The following LPP variants were observed in gnomAD, a reference collection of about 807,000 sequenced individuals.
The protein encoded by LPP is lipoma-preferred partner.
LPP carries 38 observed loss-of-function variants against 60.4 expected under a neutral mutation model. The observed-to-expected ratio is 0.63, with a 90% CI of 0.49 to 0.83. The LOEUF is 0.83. Ranked by LOEUF, LPP falls within the 40% of genes least tolerant of loss-of-function variation. LPP has a pLI of 0.00. For missense variants in LPP, 902 were observed against 783.6 expected (o/e 1.15, Z -1.80); for synonymous variants, 328 against 290.8 (o/e 1.13, Z -1.30).
chr3:188,630,651 G>A (rs1185248570), intron 7 of LPP, among the ~76,000 whole-genome samples: 1 of 152,104 alleles, frequency 6.6e-6, no homozygotes, highest in Admixed American at 6.6e-5. Flanking sequence ...GTTCTATTAA[G>A]TTGGTGCAAA....
intron 6 of LPP, among the ~76,000 whole-genome samples, chr3:188,570,636 T>C (rs772558120): frequency 6.6e-6 from 1 of 152,034 alleles, no homozygotes; most frequent in African/African-American, 2.4e-5. Flanking sequence ...AAATTGCAAA[T>C]GCACCAGATT....
chr3:188,819,694 C>T (rs572860343), intron 9 of LPP, among the ~76,000 whole-genome samples: 3 of 152,042 alleles, frequency 2.0e-5, no homozygotes, highest in African/African-American at 7.2e-5. Context: ...GAGCTTCAGC[C>T]AGGGATTGGA....
At position 188,220,530 on chromosome 3, in the gene LPP, AC is replaced by A. The variant is rs1339639965; in HGVS notation, c.-189-4874del. ...ACAGGCTCATTACTAATCTCATGTC[AC>A]GAGGTTTCAGGCCTGGCTGAGAACT... On this transcript the variant is annotated intron_variant, in intron 1 of 11. Coordinates refer to ENST00000617246, the MANE Select transcript of LPP (RefSeq NM_001375462.1). Among the ~76,000 whole-genome samples the A allele has an allele frequency of 2.0e-5, 3 of 152,210 alleles. No homozygotes were observed. In the South Asian group the frequency reaches 6.2e-4, roughly 31 times the overall value.
chr3:188,474,994 C>G (rs1802804366), intron 4 of LPP, among the ~76,000 whole-genome samples: 1 of 152,196 alleles, frequency 6.6e-6, no homozygotes, highest in South Asian at 2.1e-4. Context: ...AGACTATTGT[C>G]TTAATTTCAT....
chr3:188,309,577 C>T (rs1182849147), intron 2 of LPP, among the ~76,000 whole-genome samples: 1 of 152,132 alleles, frequency 6.6e-6, no homozygotes, highest in Non-Finnish European at 1.5e-5. Flanking sequence ...ACTTGCCTTT[C>T]TTCTGTGCTT....
intron 8 of LPP, among the ~76,000 whole-genome samples, chr3:188,719,979 C>A (rs535579532): frequency 6.6e-6 from 1 of 152,302 alleles, no homozygotes; most frequent in South Asian, 2.1e-4. Flanking sequence ...GTGGCGTGAT[C>A]TTGGCTCACT....
At chr3:188,740,399 A>T (rs1436049715) in intron 8 of LPP, among the ~76,000 whole-genome samples, 1 of 152,098 alleles carries the variant, frequency 6.6e-6, no homozygotes, top group Admixed American at 6.6e-5. Flanking sequence ...TACCTATCCA[A>T]GCCCAATATC....
intron 4 of LPP, among the ~76,000 whole-genome samples, chr3:188,468,665 G>A (rs1172191646): frequency 6.6e-6 from 1 of 152,142 alleles, no homozygotes; most frequent in Non-Finnish European, 1.5e-5. Flanking sequence ...TCAAGTGCCA[G>A]GAAGGGGACT....
chr3:188,442,783 T>C (rs1474343599), intron 4 of LPP, among the ~76,000 whole-genome samples: 3 of 152,222 alleles, frequency 2.0e-5, no homozygotes, highest in Non-Finnish European at 4.4e-5. Flanking sequence ...AAGCCCTTAA[T>C]TACAGTCACT....
chr3:188,490,126 A>C (rs1291566499), intron 5 of LPP, among the ~76,000 whole-genome samples: 4 of 152,148 alleles, frequency 2.6e-5, no homozygotes, highest in African/African-American at 7.2e-5. Context: ...CCCTTTTAAA[A>C]AGTGATGCAA....
intron 4 of LPP, among the ~76,000 whole-genome samples, chr3:188,447,668 C>G (rs535338733): frequency 1.3e-5 from 2 of 149,442 alleles, no homozygotes; most frequent in Admixed American, 6.7e-5. Context: ...CCAGCTACTC[C>G]AGAGGCTGAT....
intron 2 of LPP, among the ~76,000 whole-genome samples, chr3:188,269,987 TTTTCTTATCG>T (rs1226287900): frequency 1.7e-4 from 21 of 120,154 alleles, no homozygotes; most frequent in South Asian, 8.2e-4. Flanking sequence ...TTTTCTTTTC[TTTTCTTATCG>T]TTTCTTTTCT....
intron 2 of LPP, among the ~76,000 whole-genome samples, chr3:188,285,835 T>G (rs532569229): frequency 6.6e-6 from 1 of 152,370 alleles, no homozygotes; most frequent in African/African-American, 2.4e-5. Flanking sequence ...GGAGAATTTC[T>G]GAGTTTCTTG....
chr3:188,416,538 G>A (rs1314070673), intron 4 of LPP, among the ~76,000 whole-genome samples: 1 of 152,138 alleles, frequency 6.6e-6, no homozygotes, highest in Non-Finnish European at 1.5e-5. Flanking sequence ...CCTTCTCCAA[G>A]TCCTGAGAGT....
intron 2 of LPP, among the ~76,000 whole-genome samples, chr3:188,263,435 G>C (rs1464978499): frequency 1.3e-5 from 2 of 152,154 alleles, no homozygotes; most frequent in South Asian, 2.1e-4. Context: ...ATATGGAAGA[G>C]AGCGTGGACT....
intron 7 of LPP, among the ~76,000 whole-genome samples, chr3:188,631,024 G>A (rs541252503): frequency 6.6e-6 from 1 of 152,252 alleles, no homozygotes; most frequent in East Asian, 1.9e-4. Flanking sequence ...CATACTTGGT[G>A]TAGAGGCTAG....
intron 7 of LPP, among the ~76,000 whole-genome samples, chr3:188,683,470 G>A (rs1489391810): frequency 6.6e-6 from 1 of 152,144 alleles, no homozygotes; most frequent in Non-Finnish European, 1.5e-5. Context: ...TCCACAACTG[G>A]AAGTTTCTAT....
chr3:188,466,131 G>T (rs932147381), intron 4 of LPP, among the ~76,000 whole-genome samples: 1 of 152,102 alleles, frequency 6.6e-6, no homozygotes, highest in African/African-American at 2.4e-5. Context: ...TGGCTCAATA[G>T]TTCAGTAGAA....
intron 6 of LPP, among the ~76,000 whole-genome samples, chr3:188,534,470 A>T (rs1159809470): frequency 6.6e-6 from 1 of 152,138 alleles, no homozygotes; most frequent in Non-Finnish European, 1.5e-5. Context: ...TCTTGTTAGG[A>T]CTGGTTTCTC....
Sources: allele counts gnomAD v4.1 joint callset (sites outside exome capture counted in the v4.1 genomes callset), GRCh38; gene constraint gnomAD v4.1.1; transcripts MANE v1.5; gene names NCBI Gene and HGNC (gene_info 2026-07-23, HGNC 2026-07-21).